The following ITPK1 variants were observed in gnomAD, a reference collection of about 807,000 sequenced individuals.
ITPK1 encodes the protein inositol 1,3,4-trisphosphate 5/6-kinase.
ITPK1 carries 21 observed loss-of-function variants against 45.3 expected under a neutral mutation model. The observed-to-expected ratio is 0.46, with a 90% CI of 0.33 to 0.67. ITPK1 has a LOEUF of 0.67. Ranked by LOEUF, ITPK1 falls within the 30% of genes least tolerant of loss-of-function variation. The pLI, the probability that ITPK1 is intolerant of heterozygous loss-of-function variation, is 0.02. For synonymous variants in ITPK1, 258 were observed against 253.6 expected, an observed-to-expected ratio of 1.02 and a Z score of -0.16; for missense variants, 474 against 573.5, an observed-to-expected ratio of 0.83 and a Z score of 1.77.
At chr14:93,006,778 G>A (rs2139835359) in intron 4 of ITPK1, among the ~76,000 whole-genome samples, 1 of 152,330 alleles carries the variant, frequency 6.6e-6, no homozygotes, top group African/African-American at 2.4e-5. Flanking sequence ...CTACAGAGGA[G>A]AGGGCTGGAA....
Position 92,940,588 on chromosome 14 carries a change from G to T in ITPK1, c.*973C>A. ...CTGGGAAGAGGGCCCCGATCTCCAT[G>T]GTGTCATGCCGAGGCTCCCGCGCCT... On this transcript the variant is annotated 3_prime_UTR_variant, in exon 11 of 11. Coordinates refer to ENST00000267615, the MANE Select transcript of ITPK1 (RefSeq NM_014216.6). The T allele has an allele frequency of 8.4e-7, 1 of 1,191,554 alleles. No individual in the cohort carries two copies. The highest frequency in any genetic ancestry group is 1.1e-6 in the Non-Finnish European group (1 of 942,358). 73.8% of individuals were successfully genotyped at this position (1,191,554 alleles called of 1,614,324 possible). A position where few individuals can be genotyped will look rare whatever the true frequency, so the allele number is the denominator to read the frequency against.
In ITPK1 at chr14:92,951,979, C is replaced by T. The variant is rs1410302923; in HGVS notation, c.705G>A (p.Val235=). 1.3e-6 allele frequency: 2 copies of T among 1,579,474 alleles called. No individual in the cohort carries two copies. The highest frequency in any genetic ancestry group is 2.3e-5 in the South Asian group (2 of 86,144). The change falls in exon 9 of 11, where the codon GTG becomes GTA. Residue 235 remains valine, a synonymous_variant. Transcript: ENST00000267615. The part of the protein sequence containing the change: ...RESIFFNSHN[V]SKPESSSVLT... ...GGACCGATGACGACTCCGGCTTTGA[C>T]ACGTTGTGGCTGTTGAAGAAGATGG...
chr14:92,994,756 G>T (rs1244388766), intron 4 of ITPK1, among the ~76,000 whole-genome samples: 1 of 152,182 alleles, frequency 6.6e-6, no homozygotes, highest in Non-Finnish European at 1.5e-5. Flanking sequence ...TGATGTGGGG[G>T]TCTCAGGGAA....
chr14:92,998,632 G>A (rs538296067), intron 4 of ITPK1, among the ~76,000 whole-genome samples: 2 of 152,230 alleles, frequency 1.3e-5, no homozygotes, highest in South Asian at 2.1e-4. Flanking sequence ...AGCACGTTGC[G>A]GCATTCTCTC....
chr14:93,003,026 G>T (rs932922719), intron 4 of ITPK1, among the ~76,000 whole-genome samples: 21 of 152,346 alleles, frequency 1.4e-4, no homozygotes, highest in Admixed American at 7.2e-4. Context: ...CAGTCCACAG[G>T]GCCTCTGTGA....
rs749150713 is a variant in ITPK1, at chr14:93,074,493, G to A, written c.120+2102C>T. On this transcript the variant is annotated intron_variant, in intron 3 of 10. Transcript: ENST00000267615. ...ACCCACTGTGTGACAGTTTGAGGTC[G>A]CGTATGGACAGGATCAGGCATGGGG... 9.2e-5 allele frequency among the ~76,000 whole-genome samples: 14 copies of A among 152,200 alleles called. 1 individual carries two copies. Among genetic ancestry groups the A allele is most frequent in the East Asian group, 1.9e-4 (1 of 5,196 alleles).
chr14:92,962,653 G>A (rs957036884), intron 6 of ITPK1, 98 bp downstream of exon 6: 9 of 947,132 alleles, frequency 9.5e-6, no homozygotes, highest in African/African-American at 8.1e-5. Context: ...ATCCTCGGGT[G>A]AGCTTAAATC....
intron 3 of ITPK1, among the ~76,000 whole-genome samples, chr14:93,029,424 G>A (rs1447642183): frequency 6.6e-6 from 1 of 152,102 alleles, no homozygotes; most frequent in African/African-American, 2.4e-5. Context: ...AGCAGCCCCA[G>A]GAATAAGCCA....
chr14:92,973,099 C>A (rs1361423942), intron 5 of ITPK1, among the ~76,000 whole-genome samples: 1 of 152,232 alleles, frequency 6.6e-6, no homozygotes, highest in Admixed American at 6.5e-5. Flanking sequence ...ATTCACCCTG[C>A]AACTCCTACC....
intron 2 of ITPK1, among the ~76,000 whole-genome samples, chr14:93,103,485 C>T (rs1252117647): frequency 6.6e-6 from 1 of 152,096 alleles, no homozygotes; most frequent in East Asian, 1.9e-4. Flanking sequence ...TGACCCAGCA[C>T]ACTGTGGGCA....
In ITPK1 at chr14:93,113,028, G is replaced by A. The variant is rs192687001; in HGVS notation, c.95+2041C>T. Among the ~76,000 whole-genome samples the A allele has an allele frequency of 9.9e-5, 15 of 151,940 alleles. No homozygotes were observed. In the East Asian group the frequency reaches 2.9e-3, roughly 29 times the overall value. On this transcript the variant is annotated intron_variant, in intron 2 of 10. Transcript: ENST00000267615. ...GCCCTGAAAGTAATAAATAAGAAACGGAAAAACTCTTTGGTGTTTTCTTTT... is the reference window on the plus strand; with the variant it reads ...GCCCTGAAAGTAATAAATAAGAAACAGAAAAACTCTTTGGTGTTTTCTTTT...
intron 3 of ITPK1, among the ~76,000 whole-genome samples, chr14:93,021,806 T>A (rs1286777658): frequency 6.6e-6 from 1 of 151,390 alleles, no homozygotes; most frequent in African/African-American, 2.4e-5. Context: ...ACCAGCAGGC[T>A]GGGACAAGGA....
intron 5 of ITPK1, among the ~76,000 whole-genome samples, chr14:92,976,455 G>C (rs1451665796): frequency 6.6e-6 from 1 of 152,218 alleles, no homozygotes; most frequent in African/African-American, 2.4e-5. Flanking sequence ...TGCCATGCAA[G>C]ACTGCATGGG....
chr14:93,113,443 T>C (rs993404685), intron 2 of ITPK1, among the ~76,000 whole-genome samples: 3 of 152,100 alleles, frequency 2.0e-5, no homozygotes, highest in African/African-American at 4.8e-5. Flanking sequence ...CAAGATGACA[T>C]AAATACAGAC....
At chr14:93,007,013 G>A (rs1279815955) in intron 4 of ITPK1, among the ~76,000 whole-genome samples, 3 of 152,208 alleles carry the variant, frequency 2.0e-5, no homozygotes, top group African/African-American at 4.8e-5. Flanking sequence ...TCCTCTAGGC[G>A]ACCAGGGAAG....
intron 2 of ITPK1, among the ~76,000 whole-genome samples, chr14:93,100,521 CG>C (rs1355221049): frequency 1.5e-5 from 2 of 131,890 alleles, no homozygotes; most frequent in Non-Finnish European, 3.2e-5. Context: ...GGGAGGGGGC[CG>C]GGGGGAGAGA....
chr14:92,954,425 T>G (rs371236027), intron 8 of ITPK1, among the ~76,000 whole-genome samples: 1 of 152,172 alleles, frequency 6.6e-6, no homozygotes, highest in Admixed American at 6.5e-5. Flanking sequence ...TCGGTTCCTC[T>G]AACACACCAG....
chr14:93,021,049 C>T (rs1257789620), intron 3 of ITPK1, among the ~76,000 whole-genome samples: 1 of 152,062 alleles, frequency 6.6e-6, no homozygotes, highest in Non-Finnish European at 1.5e-5. Context: ...TTGTATTTCC[C>T]TATACTTACT....
chr14:92,954,431 A>C (rs1888100613), intron 8 of ITPK1, among the ~76,000 whole-genome samples: 1 of 152,066 alleles, frequency 6.6e-6, no homozygotes, highest in Admixed American at 6.5e-5. Flanking sequence ...CCTCTAACAC[A>C]CCAGACCAGG....
Sources: allele counts gnomAD v4.1 joint callset (sites outside exome capture counted in the v4.1 genomes callset), GRCh38; gene constraint gnomAD v4.1.1; transcripts MANE v1.5; gene names NCBI Gene and HGNC (gene_info 2026-07-23, HGNC 2026-07-21).